TEAD4: variants seen among roughly 807,000 people sequenced by gnomAD.
TEAD4 encodes transcriptional enhancer factor TEF-3.
Under a neutral mutation model 52.4 loss-of-function variants are expected in TEAD4, and 36 were observed. The observed-to-expected ratio is 0.69, with a 90% CI of 0.53 to 0.91. TEAD4 has a LOEUF of 0.91. Ranked by LOEUF, TEAD4 falls within the 40% of genes least tolerant of loss-of-function variation. The probability of loss-of-function intolerance (pLI) is 0.00; values close to 1 mark genes in which losing one functional copy is unlikely to be tolerated. For synonymous variants in TEAD4, 220 were observed against 231.0 expected, an observed-to-expected ratio of 0.95 and a Z score of 0.43; for missense variants, 508 against 583.9, an observed-to-expected ratio of 0.87 and a Z score of 1.34.
At chr12:3,021,492 G>T (rs938771458) in intron 9 of TEAD4, among the ~76,000 whole-genome samples, 6 of 151,912 alleles carry the variant, frequency 3.9e-5, no homozygotes, top group African/African-American at 1.5e-4. Context: ...TGTATTTTTA[G>T]TAGAGACTGG....
In TEAD4 at chr12:2,983,722, G is replaced by A. The variant is rs184431120; in HGVS notation, c.-29-11016G>A. Among the ~76,000 whole-genome samples, 13 of 152,298 alleles carry A rather than the reference G, an allele frequency of 8.5e-5. No individual in the cohort carries two copies. The East Asian group carries it at 2.1e-3, about 25-fold the overall frequency. ...CCAGACATTTCCTGAGGTTTCTTTT[G>A]TTTCCCAAAACTAAGCACAGAGCAA... is the stretch of plus-strand genomic sequence containing the variant. On this transcript the variant is annotated intron_variant, in intron 2 of 12. Coordinates refer to ENST00000359864, the MANE Select transcript of TEAD4 (RefSeq NM_003213.4).
At chr12:3,033,047 C>T (rs116663168) in intron 10 of TEAD4, among the ~76,000 whole-genome samples, 2,563 of 152,214 alleles carry the variant, frequency 0.017, 73 homozygotes, top group African/African-American at 0.057. Context: ...GAAACGGTGT[C>T]GCCTCTCCCG....
chr12:3,039,797 C>T (rs2098281582), intron 11 of TEAD4, among the ~76,000 whole-genome samples: 1 of 152,230 alleles, frequency 6.6e-6, no homozygotes, highest in Admixed American at 6.5e-5. Flanking sequence ...AAGCGATTCT[C>T]CTGCCTCAGC....
chr12:2,995,245 G>T (rs898511236), intron 3 of TEAD4, among the ~76,000 whole-genome samples: 20 of 152,290 alleles, frequency 1.3e-4, no homozygotes, highest in East Asian at 7.8e-4. Flanking sequence ...GCGAATCTGG[G>T]TGGGGTAGAA....
chr12:3,014,715 T>C (rs1472124599), intron 5 of TEAD4, among the ~76,000 whole-genome samples: 2 of 152,146 alleles, frequency 1.3e-5, no homozygotes, highest in Non-Finnish European at 2.9e-5. Flanking sequence ...GGTTAGTGGC[T>C]CCCTGGCTCC....
rs116515840 is a variant in TEAD4 at position 2,965,021 on chromosome 12, A to G, written c.-30+4981A>G. On this transcript the variant is annotated intron_variant, in intron 2 of 12. Transcript: ENST00000359864. ...TAGGAGTGACCCCAGAACCACTGCC[A>G]GGACCTGGAAGGAGGGTAGGAGTAG... Among the ~76,000 whole-genome samples, 1,295 of 152,248 alleles carry G rather than the reference A, an allele frequency of 8.5e-3. 11 individuals are homozygous for G. Among genetic ancestry groups the G allele is most frequent in the African/African-American group, 0.029 (1,218 of 41,536 alleles).
intron 2 of TEAD4, among the ~76,000 whole-genome samples, chr12:2,974,057 GA>G (rs2098227434): frequency 6.6e-6 from 1 of 152,120 alleles, no homozygotes; most frequent in Non-Finnish European, 1.5e-5. Context: ...GCCCAGACCG[GA>G]GTGTAGTGTC....
At chr12:3,008,339 G>A (rs2098257553) in intron 3 of TEAD4, among the ~76,000 whole-genome samples, 1 of 152,186 alleles carries the variant, frequency 6.6e-6, no homozygotes, top group African/African-American at 2.4e-5. Flanking sequence ...TGGGGCAGGT[G>A]TGGGCCTGGT....
intron 10 of TEAD4, among the ~76,000 whole-genome samples, chr12:3,025,779 C>T (rs1035013728): frequency 9.9e-5 from 15 of 152,102 alleles, no homozygotes; most frequent in African/African-American, 3.6e-4. Context: ...TCAAGTGATC[C>T]TCCTGCCTCG....
intron 3 of TEAD4, among the ~76,000 whole-genome samples, chr12:2,998,730 C>T (rs2098249258): frequency 6.6e-6 from 1 of 152,118 alleles, no homozygotes; most frequent in Non-Finnish European, 1.5e-5. Context: ...GAGTTTCTCC[C>T]AGTCTCTCAA....
chr12:3,016,376 T>C (rs1186708633), intron 5 of TEAD4, among the ~76,000 whole-genome samples: 2 of 152,120 alleles, frequency 1.3e-5, no homozygotes, highest in African/African-American at 2.4e-5. Context: ...AGTCGAGCCA[T>C]TTAGCCCCGA....
Position 3,019,183 on chromosome 12 carries a change from T to C in TEAD4, c.583+13T>C. 1 of 1,613,494 alleles carries C rather than the reference T, an allele frequency of 6.2e-7. No homozygotes were observed. Among genetic ancestry groups the C allele is most frequent in the South Asian group, 1.1e-5 (1 of 91,084 alleles). On this transcript the variant is annotated intron_variant, in intron 8 of 12. Coordinates refer to ENST00000359864, the MANE Select transcript of TEAD4 (RefSeq NM_003213.4). The stretch of plus-strand genomic sequence containing the variant: ...CTGCCTCTGCCAGGTGGGTGGGCGC[T>C]GCGTGGCCCCCTTTCTATCGCAGCC...
intron 5 of TEAD4, among the ~76,000 whole-genome samples, chr12:3,016,604 G>GAA (rs375115024): frequency 3.5e-4 from 45 of 129,554 alleles, no homozygotes; most frequent in Admixed American, 3.2e-4. Flanking sequence ...CCTGTCTCTG[G>GAA]AAAAAAAAAA....
In TEAD4 at chr12:2,994,849, G is replaced by C. The variant is rs747720325; in HGVS notation, c.83G>C (p.Ser28Thr). 6.8e-6 allele frequency: 11 copies of C among 1,614,082 alleles called. No homozygotes were observed. The South Asian group carries it at 9.9e-5, about 14-fold the overall frequency. Residue 28 changes from serine to threonine, a missense_variant, in exon 3 of 13, where the codon AGT (serine) becomes ACT (threonine). Physicochemically the swap from Ser to Thr is moderately conservative, Grantham distance 58. Coordinates refer to ENST00000359864, the MANE Select transcript of TEAD4 (RefSeq NM_003213.4). The surrounding 1 kb of genome is among the most constrained non-coding windows in gnomAD (Gnocchi z 4.7). Reference sequence around the variant, plus strand: ...GAGGGGAGCACCGCCTCTGGGGGCAGTCAGGCACTGGACAAGCCCATCGAC... The same window carrying C: ...GAGGGGAGCACCGCCTCTGGGGGCACTCAGGCACTGGACAAGCCCATCGAC...
chr12:3,024,648 C>A (rs1428802827), intron 10 of TEAD4, among the ~76,000 whole-genome samples: 2 of 151,832 alleles, frequency 1.3e-5, no homozygotes, highest in Admixed American at 6.6e-5. Context: ...AGAGCAAGAC[C>A]CTGCCTCAAA....
At position 3,040,214 on chromosome 12, in the gene TEAD4, G is replaced by C; in HGVS notation, c.1146G>C (p.Glu382Asp). The C allele has an allele frequency of 1.2e-6, 2 of 1,614,242 alleles. No individual in the cohort carries two copies. Among genetic ancestry groups the C allele is most frequent in the Non-Finnish European group, 1.7e-6 (2 of 1,180,044 alleles). Reference sequence around the variant, plus strand: ...TCCACAAGCTCAAGCACCTCCCTGAGAAGTACATGATGAACAGCGTGCTGG... The same window carrying C: ...TCCACAAGCTCAAGCACCTCCCTGACAAGTACATGATGAACAGCGTGCTGG... The change falls in exon 12 of 13, where the codon GAG (glutamate) becomes GAC (aspartate). Residue 382 changes from glutamate (E) to aspartate (D), a missense_variant. Physicochemically the swap from Glu to Asp is conservative, Grantham distance 45 (BLOSUM62 2). Coordinates refer to ENST00000359864, the MANE Select transcript of TEAD4 (RefSeq NM_003213.4).
chr12:3,037,175 G>C (rs1748650249), intron 10 of TEAD4, among the ~76,000 whole-genome samples: 3 of 152,232 alleles, frequency 2.0e-5, no homozygotes, highest in Admixed American at 2.0e-4. Context: ...GTCTGGGCCT[G>C]TGAAGGGCCT....
chr12:2,999,929 C>T (rs1410171734), intron 3 of TEAD4, among the ~76,000 whole-genome samples: 1 of 152,186 alleles, frequency 6.6e-6, no homozygotes, highest in Non-Finnish European at 1.5e-5. Context: ...GTGCTTCTCA[C>T]CTTCCTGAGG....
intron 2 of TEAD4, among the ~76,000 whole-genome samples, chr12:2,964,737 G>T (rs1448318373): frequency 1.3e-5 from 2 of 151,870 alleles, no homozygotes; most frequent in Non-Finnish European, 2.9e-5. Context: ...CTCCCAGAGT[G>T]CTGGGATTAC....
Sources: gnomAD v4.1 joint callset for allele counts (sites outside exome capture counted in the v4.1 genomes callset) on GRCh38, gnomAD v4.1.1 for gene constraint, Gnocchi (gnomAD v3.1) non-coding constraint, MANE v1.5 for transcripts, NCBI Gene and HGNC (gene_info 2026-07-23, HGNC 2026-07-21) for gene names.